The following KAZN variants were observed in gnomAD, a reference collection of about 807,000 sequenced individuals.
KAZN encodes kazrin.
Under a neutral mutation model 87.4 loss-of-function variants are expected in KAZN, and 40 were observed. The ratio of observed to expected loss-of-function variants is 0.46; its 90% CI spans 0.36 to 0.60. The LOEUF (loss-of-function observed/expected upper bound fraction) is 0.60. KAZN is among the 20% of genes least tolerant of loss of function. The probability of loss-of-function intolerance (pLI) is 0.00; values close to 1 mark genes in which losing one functional copy is unlikely to be tolerated. For missense variants in KAZN, 898 were observed against 1,073.9 expected, an observed-to-expected ratio of 0.84 and a Z score of 2.29; for synonymous variants, 466 against 458.3, an observed-to-expected ratio of 1.02 and a Z score of -0.22.
At chr1:14,312,242 A>G (rs1655355203) in intron 2 of KAZN, among the ~76,000 whole-genome samples, 1 of 152,154 alleles carries the variant, frequency 6.6e-6, no homozygotes, top group Non-Finnish European at 1.5e-5. Flanking sequence ...CAGAGTCTTC[A>G]TTTCCTCAAA....
chr1:14,744,398 T>G (rs1644203817), intron 1 of KAZN, among the ~76,000 whole-genome samples: 2 of 151,164 alleles, frequency 1.3e-5, no homozygotes, highest in East Asian at 1.9e-4. Context: ...GTGGTAGTTT[T>G]TTTTGTTTTG....
At chr1:14,181,047 A>C (rs675997) in intron 2 of KAZN, among the ~76,000 whole-genome samples, 111,048 of 152,108 alleles carry the variant, frequency 0.73, 40,597 homozygotes, top group Admixed American at 0.79. Flanking sequence ...GAATTTATTG[A>C]GGAAGGTATT....
chr1:14,621,348 C>A (rs372366383), intron 1 of KAZN, among the ~76,000 whole-genome samples: 25 of 152,318 alleles, frequency 1.6e-4, no homozygotes, highest in African/African-American at 6.0e-4. Context: ...CTTCTGAATG[C>A]AGAAAGTATG....
At chr1:14,814,223 TTA>T (rs1646498845) in intron 1 of KAZN, among the ~76,000 whole-genome samples, 1 of 128,698 alleles carries the variant, frequency 7.8e-6, no homozygotes, top group Non-Finnish European at 1.7e-5. Flanking sequence ...TGGATCTTTT[TTA>T]TTATTATTAT....
At chr1:14,263,458 A>G (rs1249623783) in intron 2 of KAZN, among the ~76,000 whole-genome samples, 1 of 152,166 alleles carries the variant, frequency 6.6e-6, no homozygotes, top group African/African-American at 2.4e-5. Flanking sequence ...GAGCTTGCTG[A>G]TGGTTGACAA....
At chr1:14,225,689 A>C (rs1461355656) in intron 2 of KAZN, among the ~76,000 whole-genome samples, 1 of 152,094 alleles carries the variant, frequency 6.6e-6, no homozygotes, top group Non-Finnish European at 1.5e-5. Context: ...AGGCCAATGG[A>C]ACAGTAGTAA....
chr1:14,326,867 A>G lies in KAZN; in HGVS notation c.249+146275A>G, dbSNP rs534094986. Among the ~76,000 whole-genome samples, 19 of 152,098 alleles carry G rather than the reference A, an allele frequency of 1.2e-4. 1 individual carries two copies. The highest frequency in any genetic ancestry group is 3.9e-4 in the African/African-American group (16 of 41,484). ...TGATTTTTCTGATGATCCCACATAC[A>G]ATAGTAATCACCTCTTCCCCCATGT... On this transcript the variant is annotated intron_variant, in intron 2 of 16. Coordinates refer to the KAZN transcript ENST00000636203.
intron 2 of KAZN, among the ~76,000 whole-genome samples, chr1:14,375,600 G>A (rs565789032): frequency 2.8e-4 from 43 of 152,222 alleles, no homozygotes; most frequent in African/African-American, 9.4e-4. Flanking sequence ...GAAATGACAC[G>A]TGGAGGCTGG....
intron 1 of KAZN, among the ~76,000 whole-genome samples, chr1:14,078,949 G>C (rs1570686152): frequency 6.6e-6 from 1 of 152,214 alleles, no homozygotes; most frequent in Non-Finnish European, 1.5e-5. Flanking sequence ...GCCTCCCAAA[G>C]TGCTGGGATT....
At chr1:14,627,365 G>A (rs1481515145) in intron 1 of KAZN, among the ~76,000 whole-genome samples, 1 of 152,056 alleles carries the variant, frequency 6.6e-6, no homozygotes, top group Admixed American at 6.5e-5. Context: ...TCGCCCAGGA[G>A]GTCAATAAGA....
At chr1:14,622,685 A>G (rs1373264794) in intron 1 of KAZN, among the ~76,000 whole-genome samples, 1 of 149,524 alleles carries the variant, frequency 6.7e-6, no homozygotes, top group East Asian at 2.0e-4. Flanking sequence ...GCGAGACTCC[A>G]TCTCAAAAAA....
In KAZN at chr1:14,002,083, A is replaced by C. The variant is rs528327800; in HGVS notation, c.91+108327A>C. Among the ~76,000 whole-genome samples, 68 of 152,316 alleles carry C rather than the reference A, an allele frequency of 4.5e-4. 1 individual carries two copies. Among genetic ancestry groups the C allele is most frequent in the African/African-American group, 1.6e-3 (66 of 41,566 alleles). On this transcript the variant is annotated intron_variant, in intron 1 of 16. Transcript: ENST00000636203. ...ACAGGCAACCTACAGAATGGGAAAAAATTTTTGCAATCTACCCATCTGACA... is the reference window on the plus strand; with the variant it reads ...ACAGGCAACCTACAGAATGGGAAAACATTTTTGCAATCTACCCATCTGACA...
At chr1:14,634,953 G>C (rs1679849853) in intron 1 of KAZN, among the ~76,000 whole-genome samples, 1 of 152,196 alleles carries the variant, frequency 6.6e-6, no homozygotes, top group Admixed American at 6.5e-5. Flanking sequence ...GTAGAGCTCA[G>C]CTTTGCCTTC....
chr1:14,164,497 C>T (rs1195341864), intron 1 of KAZN, among the ~76,000 whole-genome samples: 1 of 133,000 alleles, frequency 7.5e-6, no homozygotes. Context: ...AATCTAGCCT[C>T]AAAAGTGATA....
At chr1:15,073,450 G>A (rs17371917) in intron 8 of KAZN, among the ~76,000 whole-genome samples, 5,130 of 152,146 alleles carry the variant, frequency 0.034, 266 homozygotes, top group African/African-American at 0.11. Flanking sequence ...CACAAGGTAG[G>A]TTGAGGCCAC....
At chr1:14,688,153 C>T (rs772308775) in intron 1 of KAZN, among the ~76,000 whole-genome samples, 1 of 152,224 alleles carries the variant, frequency 6.6e-6, no homozygotes, top group Non-Finnish European at 1.5e-5. Context: ...TCTTCATACC[C>T]AGCCTCTGGG....
chr1:14,992,093 C>T (rs1487426960), intron 2 of KAZN, among the ~76,000 whole-genome samples: 1 of 152,124 alleles, frequency 6.6e-6, no homozygotes, highest in Non-Finnish European at 1.5e-5. Flanking sequence ...ACAGTGAGTG[C>T]CCTGCACATG....
chr1:14,149,253 C>T (rs1297993895), intron 1 of KAZN, among the ~76,000 whole-genome samples: 1 of 150,100 alleles, frequency 6.7e-6, no homozygotes, highest in Non-Finnish European at 1.5e-5. Flanking sequence ...AGGCGTGTGC[C>T]ACCACGCCCA....
At chr1:14,128,228 C>G (rs970770299) in intron 1 of KAZN, among the ~76,000 whole-genome samples, 4 of 152,070 alleles carry the variant, frequency 2.6e-5, no homozygotes, top group African/African-American at 9.7e-5. Context: ...TGCTTTGGTG[C>G]ACAATGCCAC....
Sources: gnomAD v4.1 joint callset for allele counts (sites outside exome capture counted in the v4.1 genomes callset) on GRCh38, gnomAD v4.1.1 for gene constraint, MANE v1.5 for transcripts, NCBI Gene and HGNC (gene_info 2026-07-23, HGNC 2026-07-21) for gene names.